The following DGLUCY variants were observed in gnomAD, a reference collection of about 807,000 sequenced individuals.
DGLUCY encodes D-glutamate cyclase.
Under a neutral mutation model 58.5 loss-of-function variants are expected in DGLUCY, and 58 were observed. That is an observed-to-expected ratio of 0.99 (90% CI 0.80 to 1.23). The LOEUF is 1.23. Ranked by LOEUF, DGLUCY falls within the 50% of genes most tolerant of loss-of-function variation. DGLUCY has a pLI of 0.00. For missense variants in DGLUCY, 779 were observed against 784.7 expected (o/e 0.99, Z 0.09); for synonymous variants, 325 against 314.1 (o/e 1.03, Z -0.37).
chr14:91,148,422 T>C (rs1196733739), intron 1 of DGLUCY, among the ~76,000 whole-genome samples: 2 of 151,288 alleles, frequency 1.3e-5, no homozygotes, highest in Non-Finnish European at 2.9e-5. Flanking sequence ...CTCAGGCTGG[T>C]CTCGAACTCC....
At chr14:91,223,723 G>A (rs1343475861) in intron 13 of DGLUCY, 6 of 1,285,954 alleles carry the variant, frequency 4.7e-6, no homozygotes, top group Non-Finnish European at 6.1e-6. Context: ...AGAAGACCTA[G>A]CCCTGCCAAT....
chr14:91,147,392 G>C (rs1282341745), intron 1 of DGLUCY, among the ~76,000 whole-genome samples: 1 of 152,188 alleles, frequency 6.6e-6, no homozygotes, highest in Non-Finnish European at 1.5e-5. Context: ...GTCTGATATG[G>C]TGGTTTTCAG....
chr14:91,106,513 C>G (rs1207534251), upstream of DGLUCY, among the ~76,000 whole-genome samples: 1 of 151,868 alleles, frequency 6.6e-6, no homozygotes, highest in Non-Finnish European at 1.5e-5. Flanking sequence ...TTGCGACCAG[C>G]CTGGCCAACA....
chr14:91,211,049 T>G (rs1885606910), intron 12 of DGLUCY, among the ~76,000 whole-genome samples: 1 of 152,210 alleles, frequency 6.6e-6, no homozygotes, highest in African/African-American at 2.4e-5. Flanking sequence ...TAATTGTATA[T>G]GTCAGCAATG....
At chr14:91,217,510 G>A (rs1387693374) in intron 13 of DGLUCY, among the ~76,000 whole-genome samples, 1 of 140,762 alleles carries the variant, frequency 7.1e-6, no homozygotes, top group African/African-American at 2.6e-5. Context: ...TTGAGACAGA[G>A]TTTTGCTCTT....
intron 5 of DGLUCY, among the ~76,000 whole-genome samples, chr14:91,172,625 A>G (rs769905974): frequency 1.4e-4 from 21 of 151,732 alleles, no homozygotes; most frequent in Non-Finnish European, 2.4e-4. Context: ...CTGAGGAAGC[A>G]TGCATATTGT....
chr14:91,071,809 A>C (rs1001331096), intron 1 of DGLUCY, among the ~76,000 whole-genome samples: 2 of 151,906 alleles, frequency 1.3e-5, no homozygotes, highest in African/African-American at 2.4e-5. Flanking sequence ...CAGAGGTTGC[A>C]GTCAGCCAAG....
chr14:91,101,307 C>A (rs562109972), intron 1 of DGLUCY, among the ~76,000 whole-genome samples: 1 of 152,282 alleles, frequency 6.6e-6, no homozygotes, highest in African/African-American at 2.4e-5. Context: ...TAGCCCCCTC[C>A]CCGACCCCTA....
At chr14:91,192,434 A>G (rs1488551889) in intron 9 of DGLUCY, among the ~76,000 whole-genome samples, 1 of 152,168 alleles carries the variant, frequency 6.6e-6, no homozygotes, top group African/African-American at 2.4e-5. Flanking sequence ...TGGTTGCACA[A>G]CAATGTGAAA....
At position 91,116,075 on chromosome 14, in the gene DGLUCY, T is replaced by A. The variant is rs1250691949; in HGVS notation, c.-82+1792T>A. ...CAATTAATTTCAATTAATATCTCCCTTTTTCAGTGGAGCATGGCAGATACA... is the reference window on the plus strand; with the variant it reads ...CAATTAATTTCAATTAATATCTCCCATTTTCAGTGGAGCATGGCAGATACA... On this transcript the variant is annotated intron_variant, in intron 1 of 13. Coordinates refer to ENST00000256324, the MANE Select transcript of DGLUCY (RefSeq NM_001102368.3). Among the ~76,000 whole-genome samples the A allele has an allele frequency of 2.0e-5, 3 of 152,180 alleles. No homozygotes were observed. In the East Asian group the frequency reaches 5.8e-4, roughly 29 times the overall value.
intron 1 of DGLUCY, among the ~76,000 whole-genome samples, chr14:91,084,575 C>G (rs2044181150): frequency 6.6e-6 from 1 of 152,122 alleles, no homozygotes; most frequent in Admixed American, 6.5e-5. Context: ...AGCCCTAAAG[C>G]AATTACAGTG....
intron 1 of DGLUCY, among the ~76,000 whole-genome samples, chr14:91,088,453 A>C (rs945072785): frequency 6.6e-6 from 1 of 152,152 alleles, no homozygotes; most frequent in African/African-American, 2.4e-5. Flanking sequence ...ACAGTCCTAG[A>C]GCTTCTACCT....
intron 1 of DGLUCY, among the ~76,000 whole-genome samples, chr14:91,068,079 G>GCACACACACACA (rs57428509): frequency 2.7e-4 from 39 of 146,436 alleles, no homozygotes; most frequent in South Asian, 8.7e-4. Context: ...ACACGCGCAC[G>GCACACACACACA]CACACACACA....
intron 3 of DGLUCY, among the ~76,000 whole-genome samples, chr14:91,162,157 C>T (rs1210620493): frequency 6.6e-6 from 1 of 152,176 alleles, no homozygotes; most frequent in Non-Finnish European, 1.5e-5. Flanking sequence ...TGAGCTGTTC[C>T]CCGCTGCCGT....
At chr14:91,081,202 CA>C (rs1242033975) in intron 1 of DGLUCY, among the ~76,000 whole-genome samples, 8 of 99,806 alleles carry the variant, frequency 8.0e-5, no homozygotes, top group African/African-American at 2.8e-4. Flanking sequence ...GACTCCGTCT[CA>C]AAAAAAAAAC....
upstream of DGLUCY, among the ~76,000 whole-genome samples, chr14:91,113,554 G>A (rs1240047985): frequency 6.6e-6 from 1 of 152,158 alleles, no homozygotes; most frequent in Non-Finnish European, 1.5e-5. Context: ...GAGGAAACAG[G>A]CCTAAAAACT....
intron 1 of DGLUCY, among the ~76,000 whole-genome samples, chr14:91,146,779 A>G (rs968517710): frequency 6.6e-6 from 1 of 152,212 alleles, no homozygotes; most frequent in African/African-American, 2.4e-5. Context: ...ACTGCAGGGA[A>G]GCGGACTGTG....
chr14:91,150,554 GC>G (rs2047267587), intron 1 of DGLUCY, among the ~76,000 whole-genome samples: 1 of 151,998 alleles, frequency 6.6e-6, no homozygotes, highest in Non-Finnish European at 1.5e-5. Flanking sequence ...CAATCCTCCT[GC>G]CTCAGCCTCC....
At chr14:91,215,969 A>C in intron 13 of DGLUCY, 1 of 343,742 alleles carries the variant, frequency 2.9e-6, no homozygotes, top group Non-Finnish European at 5.7e-6. Context: ...AGGCCACTAA[A>C]ACCTCCAGAG....
Sources: gnomAD v4.1 joint callset for allele counts (sites outside exome capture counted in the v4.1 genomes callset) on GRCh38, gnomAD v4.1.1 for gene constraint, MANE v1.5 for transcripts, NCBI Gene and HGNC (gene_info 2026-07-23, HGNC 2026-07-21) for gene names.